EPHA7: variants seen among roughly 807,000 people sequenced by gnomAD.
EPHA7 encodes ephrin type-A receptor 7.
Under a neutral mutation model 112.6 loss-of-function variants are expected in EPHA7, and 25 were observed. That is an observed-to-expected ratio of 0.22 (90% confidence interval 0.16 to 0.31). The LOEUF is 0.31. Among genes scored for constraint, EPHA7 ranks in the 10% least tolerant of loss-of-function variants. The pLI is 1.00. For synonymous variants in EPHA7, 437 were observed against 406.5 expected (o/e 1.07, Z -0.90); for missense variants, 962 against 1,212.6 (o/e 0.79, Z 3.07).
At chr6:93,343,756 GAAGAA>G (rs988105576) in intron 5 of EPHA7, among the ~76,000 whole-genome samples, 8 of 151,756 alleles carry the variant, frequency 5.3e-5, no homozygotes, top group Non-Finnish European at 1.2e-4. Flanking sequence ...TCCTTGGATT[GAAGAA>G]AATAATGAAA....
At chr6:93,287,998 G>A (rs1286441415) in intron 5 of EPHA7, among the ~76,000 whole-genome samples, 1 of 152,122 alleles carries the variant, frequency 6.6e-6, no homozygotes, top group Non-Finnish European at 1.5e-5. Flanking sequence ...ATGCAAAGTG[G>A]TGCAGCCACT....
chr6:93,264,459 T>C (rs1019550194), intron 8 of EPHA7, 135 bp downstream of exon 8: 14 of 509,640 alleles, frequency 2.7e-5, no homozygotes, highest in Non-Finnish European at 4.5e-5. Flanking sequence ...TGACACATTA[T>C]TGACCTTTAA....
chr6:93,272,484 G>A (rs1385609318), intron 5 of EPHA7, 62 bp from the exon 6 acceptor site: 34 of 1,598,442 alleles, frequency 2.1e-5, no homozygotes, highest in Non-Finnish European at 2.7e-5. Flanking sequence ...CAAATCAAAT[G>A]TCACAACTGA....
At position 93,241,095 on chromosome 6, in the gene EPHA7, A is replaced by G. The variant is rs910301776; in HGVS notation, c.*2331T>C. The G allele has an allele frequency of 1.9e-5, 4 of 206,064 alleles. No homozygotes were observed. The highest frequency in any genetic ancestry group is 9.1e-5 in the African/African-American group (4 of 43,926). 12.8% of individuals were successfully genotyped at this position (206,064 alleles called of 1,614,324 possible). A position where few individuals can be genotyped will look rare whatever the true frequency, so the allele number is the denominator to read the frequency against. Reference sequence around the variant, plus strand: ...AAACTTTTATTCTGCCCTTCTACTCAAGAAAGACTACTCAACTATAAATCT... The same window carrying G: ...AAACTTTTATTCTGCCCTTCTACTCGAGAAAGACTACTCAACTATAAATCT... On this transcript the variant is annotated 3_prime_UTR_variant, in exon 17 of 17. Transcript: ENST00000369303.
intron 5 of EPHA7, among the ~76,000 whole-genome samples, chr6:93,350,096 G>C (rs1177133034): frequency 6.6e-6 from 1 of 151,968 alleles, no homozygotes; most frequent in Non-Finnish European, 1.5e-5. Context: ...AAAAACACAG[G>C]AAAGTCGGTC....
intron 3 of EPHA7, 82 bp from the exon 4 acceptor site, chr6:93,358,493 T>C: frequency 8.2e-7 from 1 of 1,221,558 alleles, no homozygotes; most frequent in Non-Finnish European, 1.1e-6. Flanking sequence ...TAGCAAGGAA[T>C]CAAATATTAA....
intron 5 of EPHA7, among the ~76,000 whole-genome samples, chr6:93,295,337 T>C (rs1484614318): frequency 6.6e-6 from 1 of 151,970 alleles, no homozygotes; most frequent in Non-Finnish European, 1.5e-5. Context: ...TTCTTAATTA[T>C]GTCTTAAGTA....
At chr6:93,332,419 C>A (rs1443487925) in intron 5 of EPHA7, among the ~76,000 whole-genome samples, 1 of 151,600 alleles carries the variant, frequency 6.6e-6, no homozygotes, top group Non-Finnish European at 1.5e-5. Flanking sequence ...AGAACATGAG[C>A]TTTGTATACT....
Position 93,241,520 on chromosome 6 carries a change from C to A in EPHA7, c.*1906G>T, listed in dbSNP as rs933501688. ...TAATTAAAATTATTTTTACAGATTA[C>A]TTTTCCTTAGGGACAAAAAACATTT... is the stretch of plus-strand genomic sequence containing the variant. On this transcript the variant is annotated 3_prime_UTR_variant, in exon 17 of 17. Transcript: ENST00000369303. The A allele has an allele frequency of 1.4e-5, 3 of 214,734 alleles. No individual in the cohort carries two copies. The highest frequency in any genetic ancestry group is 2.8e-5 in the Non-Finnish European group (3 of 106,242). The allele number at this position is 214,734 out of a possible 1,614,324, so 13.3% of individuals were successfully genotyped here.
intron 5 of EPHA7, among the ~76,000 whole-genome samples, chr6:93,321,763 T>C (rs1273099654): frequency 6.6e-6 from 1 of 151,862 alleles, no homozygotes. Context: ...CAACATTCAT[T>C]GATCAGTTTT....
At chr6:93,260,696 G>C (rs1292016751) in intron 9 of EPHA7, 1 of 978,588 alleles carries the variant, frequency 1.0e-6, no homozygotes, top group Non-Finnish European at 1.2e-6. Flanking sequence ...TTCTGCTGTA[G>C]TTGATTGTTT....
chr6:93,253,279 A>AAAAACAAAAAC (rs1174394874), intron 14 of EPHA7, among the ~76,000 whole-genome samples: 7 of 152,196 alleles, frequency 4.6e-5, no homozygotes, highest in African/African-American at 1.7e-4. Context: ...TTTATCTTTG[A>AAAAACAAAAAC]AAAACAAAAA....
intron 5 of EPHA7, among the ~76,000 whole-genome samples, chr6:93,308,919 A>G (rs1440549299): frequency 6.6e-6 from 1 of 150,400 alleles, no homozygotes; most frequent in Non-Finnish European, 1.5e-5. Flanking sequence ...AGCCCCAACT[A>G]GTTTGACAAT....
intron 5 of EPHA7, among the ~76,000 whole-genome samples, chr6:93,312,576 T>C (rs2127867732): frequency 6.6e-6 from 1 of 152,284 alleles, no homozygotes; most frequent in South Asian, 2.1e-4. Context: ...ACTAAAACTT[T>C]CTCCATATCA....
chr6:93,255,637 A>C (rs1434427298), intron 13 of EPHA7, among the ~76,000 whole-genome samples, 191 bp downstream of exon 13: 2 of 152,094 alleles, frequency 1.3e-5, no homozygotes, highest in African/African-American at 4.8e-5. Context: ...TTTCCTTCTT[A>C]GTCTATATAT....
At chr6:93,264,149 C>T (rs1770820067) in intron 8 of EPHA7, among the ~76,000 whole-genome samples, 1 of 151,342 alleles carries the variant, frequency 6.6e-6, no homozygotes, top group African/African-American at 2.4e-5. Context: ...ATTGAATACA[C>T]AAAATTCAGT....
At chr6:93,265,283 A>G (rs1770878213) in intron 7 of EPHA7, among the ~76,000 whole-genome samples, 1 of 151,740 alleles carries the variant, frequency 6.6e-6, no homozygotes, top group African/African-American at 2.4e-5. Flanking sequence ...GAGTAAACAC[A>G]TTTCATATTT....
rs767162994 is a variant in EPHA7 at position 93,257,434 on chromosome 6, AGAATAAGTGGATCACTTT to A, written c.2172+10_2172+27del. The A allele has an allele frequency of 1.3e-6, 2 of 1,554,654 alleles. No individual in the cohort carries two copies. Among genetic ancestry groups the A allele is most frequent in the Non-Finnish European group, 1.8e-6 (2 of 1,138,306 alleles). ...TATTGGTAGCAAGCATAGTATATTT[AGAATAAGTGGATCACTTT>A]GGTACTTACCCTGAGAAATGCATCT... On this transcript the variant is annotated intron_variant, in intron 12 of 16. Transcript: ENST00000369303.
intron 15 of EPHA7, 29 bp downstream of exon 15, chr6:93,246,763 C>A (rs1769971996): frequency 6.4e-7 from 1 of 1,556,816 alleles, no homozygotes; most frequent in Non-Finnish European, 8.8e-7. Context: ...TAATTTCTCC[C>A]AGATTCCATT....
Sources: allele counts gnomAD v4.1 joint callset (sites outside exome capture counted in the v4.1 genomes callset), GRCh38; gene constraint gnomAD v4.1.1; transcripts MANE v1.5; gene names NCBI Gene and HGNC (gene_info 2026-07-23, HGNC 2026-07-21).